JAG2: variants seen among roughly 807,000 people sequenced by gnomAD.
JAG2 encodes the protein jagged canonical Notch ligand 2.
JAG2 carries 46 observed loss-of-function variants against 141.7 expected under a neutral mutation model. The ratio of observed to expected loss-of-function variants is 0.32; its 90% confidence interval spans 0.26 to 0.42. JAG2 has a LOEUF of 0.42. Ranked by LOEUF, JAG2 falls within the 10% of genes least tolerant of loss-of-function variation. JAG2 has a pLI of 1.00. For synonymous variants in JAG2, 862 were observed against 763.5 expected (o/e 1.13, Z -2.13); for missense variants, 1,500 against 1,817.5 (o/e 0.83, Z 3.18).
At chr14:105,151,538 C>T in intron 8 of JAG2, 88 bp downstream of exon 8, 2 of 1,336,450 alleles carry the variant, frequency 1.5e-6, no homozygotes, top group East Asian at 2.5e-5. Context: ...TGGACTTGAC[C>T]ACTGCACCCC....
At chr14:105,164,854 G>T (rs891890151) in intron 2 of JAG2, among the ~76,000 whole-genome samples, 2 of 152,154 alleles carry the variant, frequency 1.3e-5, no homozygotes, top group South Asian at 4.1e-4. Flanking sequence ...CCCTTTCACA[G>T]GTGAGAAAAG....
chr14:105,151,195 A>G, intron 9 of JAG2, 88 bp downstream of exon 9: 1 of 1,469,520 alleles, frequency 6.8e-7, no homozygotes, highest in Non-Finnish European at 9.3e-7. Context: ...CAGCAGCCCC[A>G]GCAGCCCCAG....
In JAG2 at chr14:105,145,836, G is replaced by A. The variant is rs762916197; in HGVS notation, c.2847C>T (p.Cys949=). The change falls in exon 23 of 26, where the codon TGC becomes TGT. Residue 949 remains cysteine (C), a synonymous_variant. Coordinates refer to ENST00000331782, the MANE Select transcript of JAG2 (RefSeq NM_002226.5). ...GGGTGCTCGGTGGCTCTTCTGCGCC[G>A]CACTCCCCCCAGGCCTCACAGGGTG... ...LRPPCEAWGE[C]GAEEPPSTPC... is the part of the protein sequence containing the mutation. 89 of 1,562,396 alleles carry A rather than the reference G, an allele frequency of 5.7e-5. No homozygotes were observed. Among genetic ancestry groups the A allele is most frequent in the East Asian group, 1.4e-4 (6 of 41,550 alleles).
intron 2 of JAG2, among the ~76,000 whole-genome samples, chr14:105,158,602 C>G (rs766748582): frequency 6.6e-6 from 1 of 152,126 alleles, no homozygotes; most frequent in Non-Finnish European, 1.5e-5. Flanking sequence ...CAGACATGCT[C>G]AGACAGGTGG....
chr14:105,150,802 T>C (rs770844310), intron 11 of JAG2, 25 bp from the exon 12 acceptor site: 53 of 1,578,496 alleles, frequency 3.4e-5, no homozygotes, highest in Non-Finnish European at 4.1e-5. Context: ...CAGGTGAGCG[T>C]CCCGCAGGCA....
chr14:105,154,708 G>A lies in JAG2; in HGVS notation c.788+854C>T, dbSNP rs941742133. On this transcript the variant is annotated intron_variant, in intron 5 of 25. Transcript: ENST00000331782. This position sits in a 1 kb window ranked among gnomAD's most constrained non-coding sequence, Gnocchi z 4.4. The stretch of plus-strand genomic sequence containing the variant: ...CACCGCCTGAATGCCACCCCCCACA[G>A]GCCCCGCGTGGCGCAGGCCAGGCCT... Among the ~76,000 whole-genome samples the A allele has an allele frequency of 4.0e-5, 6 of 151,668 alleles. No individual in the cohort carries two copies. Among genetic ancestry groups the A allele is most frequent in the Non-Finnish European group, 7.4e-5 (5 of 67,888 alleles).
intron 2 of JAG2, among the ~76,000 whole-genome samples, chr14:105,158,208 G>C (rs1042744003): frequency 6.6e-6 from 1 of 152,148 alleles, no homozygotes; most frequent in Non-Finnish European, 1.5e-5. Context: ...CCACGGGGGA[G>C]AACGTGGGGC....
chr14:105,146,798 C>G (rs183574810), intron 20 of JAG2, 74 bp from the exon 21 acceptor site: 264 of 1,215,382 alleles, frequency 2.2e-4, no homozygotes, highest in Middle Eastern at 6.3e-4. Flanking sequence ...CCTAGGGCAG[C>G]GGGGAGCCAG....
chr14:105,159,724 C>T (rs1283846539), intron 2 of JAG2, among the ~76,000 whole-genome samples: 1 of 103,864 alleles, frequency 9.6e-6, no homozygotes, highest in Non-Finnish European at 2.0e-5. Context: ...CCACACCCCC[C>T]CAGAGCTCCA....
chr14:105,155,550 C>G lies in JAG2; in HGVS notation c.788+12G>C. The stretch of plus-strand genomic sequence containing the variant: ...GGTTGGGAGGGCAAAGACGGGCCGG[C>G]GGCACACTCACCTGCACTCCCCAGG... On this transcript the variant is annotated intron_variant, in intron 5 of 25. Coordinates refer to ENST00000331782, the MANE Select transcript of JAG2 (RefSeq NM_002226.5). The G allele has an allele frequency of 1.2e-6, 2 of 1,612,670 alleles. No homozygotes were observed. Among genetic ancestry groups the G allele is most frequent in the Non-Finnish European group, 1.7e-6 (2 of 1,179,846 alleles).
Position 105,168,727 on chromosome 14 carries a change from C to G in JAG2, c.-307G>C, listed in dbSNP as rs1292917473. 6.0e-6 allele frequency: 1 copy of G among 166,304 alleles called. No individual in the cohort carries two copies. Among genetic ancestry groups the G allele is most frequent in the East Asian group, 1.5e-4 (1 of 6,592 alleles). 10.3% of individuals were successfully genotyped at this position (166,304 alleles called of 1,614,324 possible). A position where few individuals can be genotyped will look rare whatever the true frequency, so the allele number is the denominator to read the frequency against. On this transcript the variant is annotated 5_prime_UTR_variant, in exon 1 of 26. Coordinates refer to ENST00000331782, the MANE Select transcript of JAG2 (RefSeq NM_002226.5). ...AAGGCAGCGGGTCCCGGCCTCGGCTCTGCGCGCCCGCGCTCCCGGCACCGC... is the reference window on the plus strand; with the variant it reads ...AAGGCAGCGGGTCCCGGCCTCGGCTGTGCGCGCCCGCGCTCCCGGCACCGC...
intron 15 of JAG2, 29 bp downstream of exon 15, chr14:105,148,716 G>C (rs1358492820): frequency 2.6e-6 from 4 of 1,517,988 alleles, no homozygotes; most frequent in Non-Finnish European, 8.9e-7. Context: ...GGAGGCACAG[G>C]CCGTGTGGGC....
At chr14:105,157,612 G>A (rs960388762) in intron 3 of JAG2, 94 bp downstream of exon 3, 1 of 1,202,528 alleles carries the variant, frequency 8.3e-7, no homozygotes, top group African/African-American at 1.5e-5. Context: ...TCAGGGTAAA[G>A]CAAGGCTTTG....
rs1595194533 is a variant in JAG2 at position 105,168,416 on chromosome 14, C to A, written c.5G>T (p.Arg2Leu). 2.1e-6 allele frequency: 2 copies of A among 935,184 alleles called. No individual in the cohort carries two copies. The highest frequency in any genetic ancestry group is 1.3e-6 in the Non-Finnish European group (1 of 778,804). The allele number at this position is 935,184 out of a possible 1,614,324, so 57.9% of individuals were successfully genotyped here. M[R>L]AQGRGRLPRR... ...GGGAAGGCGCCCCCGGCCCTGCGCC[C>A]GCATTGCCCCCGCGACCCGCCCGCC... Residue 2 changes from arginine to leucine, a missense_variant, in exon 1 of 26, where the codon CGG (arginine) becomes CTG (leucine). Coordinates refer to ENST00000331782, the MANE Select transcript of JAG2 (RefSeq NM_002226.5).
chr14:105,148,679 T>G (rs1450490095), intron 15 of JAG2, 66 bp downstream of exon 15: 5 of 1,372,048 alleles, frequency 3.6e-6, no homozygotes, highest in Non-Finnish European at 5.0e-6. Context: ...GCGGTCCATC[T>G]CAGGGTGATA....
At chr14:105,157,050 T>C (rs1305470445) in intron 3 of JAG2, among the ~76,000 whole-genome samples, 1 of 152,058 alleles carries the variant, frequency 6.6e-6, no homozygotes, top group Non-Finnish European at 1.5e-5. Context: ...ACCCCCAGAC[T>C]GCCCCTGGTC....
At position 105,145,795 on chromosome 14, in the gene JAG2, G is replaced by A. The variant is rs779579101; in HGVS notation, c.2888C>T (p.Ser963Phe). 5 of 1,574,414 alleles carry A rather than the reference G, an allele frequency of 3.2e-6. No individual in the cohort carries two copies. The African/African-American group carries it at 4.1e-5, about 13-fold the overall frequency. ...EPPSTPCLPR[S>F]GHLDNNCARL... ...GGCACAGTTATTGTCCAGGTGGCCG[G>A]AGCGTGGCAGGCAGGGGGTGCTCGG... The change falls in exon 23 of 26, where the codon TCC (serine) becomes TTC (phenylalanine). Residue 963 changes from serine to phenylalanine, a missense_variant. This residue lies in a region of JAG2 where 425 missense variants were observed against 441.0 expected (regional missense o/e 0.96). Transcript: ENST00000331782.
In JAG2 at chr14:105,145,123, G is replaced by C. The variant is rs901576620; in HGVS notation, c.2953-62C>G. 5.0e-6 allele frequency: 8 copies of C among 1,596,294 alleles called. No homozygotes were observed. In the Admixed American group the frequency reaches 1.3e-4, roughly 27 times the overall value. Reference sequence around the variant, plus strand: ...CCGTGAACCTGACACCTACATCCCTGGACTGGCGCTGTGGGTACACGTGGG... The same window carrying C: ...CCGTGAACCTGACACCTACATCCCTCGACTGGCGCTGTGGGTACACGTGGG... On this transcript the variant is annotated intron_variant, in intron 23 of 25. Transcript: ENST00000331782.
At chr14:105,155,429 G>A in intron 5 of JAG2, 133 bp downstream of exon 5, 1 of 993,642 alleles carries the variant, frequency 1.0e-6, no homozygotes, top group Non-Finnish European at 1.6e-6. Context: ...CCCGAGCTCA[G>A]GGCCCGGCTC....
Sources: allele counts gnomAD v4.1 joint callset (sites outside exome capture counted in the v4.1 genomes callset), GRCh38; gene constraint gnomAD v4.1.1; regional missense constraint gnomAD v4.1.1; non-coding constraint Gnocchi (gnomAD v3.1); transcripts MANE v1.5; gene names NCBI Gene and HGNC (gene_info 2026-07-23, HGNC 2026-07-21).